Variants in FAM184B observed in about 807,000 individuals in gnomAD.
FAM184B encodes family with sequence similarity 184 member B.
FAM184B carries 111 observed loss-of-function variants against 135.9 expected under a neutral mutation model. That is an observed-to-expected ratio of 0.82 (90% CI 0.70 to 0.96). The LOEUF (loss-of-function observed/expected upper bound fraction) is 0.96. Ranked by LOEUF, FAM184B falls within the 40% of genes least tolerant of loss-of-function variation. The pLI, the probability that FAM184B is intolerant of heterozygous loss-of-function variation, is 0.00. For synonymous variants in FAM184B, 552 were observed against 524.8 expected (o/e 1.05, Z -0.71); for missense variants, 1,375 against 1,323.9 (o/e 1.04, Z -0.60).
At chr4:17,665,159 T>C (rs926977462) in intron 7 of FAM184B, among the ~76,000 whole-genome samples, 3 of 152,120 alleles carry the variant, frequency 2.0e-5, no homozygotes, top group African/African-American at 7.2e-5. Flanking sequence ...GGTCAGTAAG[T>C]GTGAGTGAAT....
intron 17 of FAM184B, chr4:17,633,378 T>G: frequency 4.5e-6 from 1 of 222,408 alleles, no homozygotes; most frequent in East Asian, 9.8e-5. Flanking sequence ...TCTGATGAGA[T>G]AGGTGCTGTA....
intron 10 of FAM184B, among the ~76,000 whole-genome samples, chr4:17,653,292 C>G (rs1189698279): frequency 2.0e-5 from 3 of 152,204 alleles, no homozygotes; most frequent in African/African-American, 7.2e-5. Flanking sequence ...GACTGACAGA[C>G]AGATACTGAC....
chr4:17,653,072 T>C, intron 10 of FAM184B, 89 bp from the exon 11 acceptor site: 2 of 1,262,926 alleles, frequency 1.6e-6, no homozygotes, highest in Non-Finnish European at 2.2e-6. Flanking sequence ...TGAGCCAGGA[T>C]GCTCTGAACA....
chr4:17,725,758 C>T (rs1029288836), intron 1 of FAM184B, among the ~76,000 whole-genome samples: 2 of 152,150 alleles, frequency 1.3e-5, no homozygotes, highest in Non-Finnish European at 2.9e-5. Context: ...TCCTAAAAGT[C>T]TTTCCTTGCC....
At chr4:17,676,381 A>G (rs1716309643) in intron 7 of FAM184B, among the ~76,000 whole-genome samples, 1 of 152,252 alleles carries the variant, frequency 6.6e-6, no homozygotes, top group Admixed American at 6.5e-5. Flanking sequence ...GCAACATGAA[A>G]GATCACTGAT....
At chr4:17,762,827 A>G (rs1445021250) in intron 1 of FAM184B, among the ~76,000 whole-genome samples, 1 of 151,966 alleles carries the variant, frequency 6.6e-6, no homozygotes, top group African/African-American at 2.4e-5. Flanking sequence ...TACTCTGCCA[A>G]CTCCTTTCTG....
At chr4:17,779,704 C>A (rs1236953296) in intron 1 of FAM184B, among the ~76,000 whole-genome samples, 1 of 152,226 alleles carries the variant, frequency 6.6e-6, no homozygotes, top group African/African-American at 2.4e-5. Flanking sequence ...TCCATAAAAT[C>A]TCCCCTCACT....
rs1266409741 is a variant in FAM184B, at chr4:17,709,648, C to T, written c.142-4G>A. The T allele has an allele frequency of 1.3e-6, 2 of 1,485,486 alleles. No homozygotes were observed. Among genetic ancestry groups the T allele is most frequent in the Non-Finnish European group, 1.8e-6 (2 of 1,118,464 alleles). 92.0% of individuals were successfully genotyped at this position (1,485,486 alleles called of 1,614,324 possible). On this transcript the variant is annotated splice_region_variant and splice_polypyrimidine_tract_variant and intron_variant, in intron 1 of 17. Coordinates refer to ENST00000265018, the MANE Select transcript of FAM184B (RefSeq NM_015688.2). ...GGGTGTTCAGGGCATAAATCACCTGCAGGAAAATCAACAGAGCCCAGTTAG... is the reference window on the plus strand; with the variant it reads ...GGGTGTTCAGGGCATAAATCACCTGTAGGAAAATCAACAGAGCCCAGTTAG...
At position 17,636,509 on chromosome 4, in the gene FAM184B, C is replaced by T. The variant is rs960685887; in HGVS notation, c.2784+19G>A. 17 of 1,543,348 alleles carry T rather than the reference C, an allele frequency of 1.1e-5. No homozygotes were observed. Among genetic ancestry groups the T allele is most frequent in the South Asian group, 2.4e-5 (2 of 83,982 alleles). ...TGCCCGGCCAGGTGCGTGGGTGAGG[C>T]GCCCCCTGACAGCCTCACCGTGAGC... On this transcript the variant is annotated intron_variant, in intron 15 of 17. Coordinates refer to ENST00000265018, the MANE Select transcript of FAM184B (RefSeq NM_015688.2).
chr4:17,655,644 C>T (rs895283025), intron 10 of FAM184B, among the ~76,000 whole-genome samples: 2 of 152,210 alleles, frequency 1.3e-5, no homozygotes, highest in Admixed American at 6.5e-5. Flanking sequence ...CCACTGATCC[C>T]AGCAACCTGT....
At chr4:17,732,259 C>T (rs1308253398) in intron 1 of FAM184B, among the ~76,000 whole-genome samples, 5 of 152,130 alleles carry the variant, frequency 3.3e-5, no homozygotes, top group East Asian at 1.9e-4. Context: ...GACACCCTAA[C>T]GTCACAATTA....
intron 1 of FAM184B, among the ~76,000 whole-genome samples, chr4:17,750,703 C>T (rs1464724726): frequency 6.6e-6 from 1 of 152,142 alleles, no homozygotes; most frequent in East Asian, 1.9e-4. Flanking sequence ...AACCATATAG[C>T]TCTATTAGTT....
At chr4:17,633,916 C>G (rs1339240621) in intron 16 of FAM184B, 28 bp from the exon 17 acceptor site, 2 of 1,358,680 alleles carry the variant, frequency 1.5e-6, no homozygotes, top group South Asian at 3.3e-5. Flanking sequence ...CAGGTTAGTG[C>G]AATGCAATGC....
intron 1 of FAM184B, among the ~76,000 whole-genome samples, chr4:17,734,168 AC>A (rs1717853806): frequency 6.6e-6 from 1 of 152,238 alleles, no homozygotes; most frequent in Non-Finnish European, 1.5e-5. Context: ...TACACCTTAT[AC>A]AAAAATTAAT....
At position 17,666,469 on chromosome 4, in the gene FAM184B, C is replaced by CTTTTTTTTTTTTTTTTTTTT. The variant is rs386399397; in HGVS notation, c.1597-1830_1597-1811dup. 2.1e-4 allele frequency among the ~76,000 whole-genome samples: 12 copies of CTTTTTTTTTTTTTTTTTTTT among 57,158 alleles called. 1 individual carries two copies. The highest frequency in any genetic ancestry group is 2.6e-4 in the Non-Finnish European group (9 of 34,190). The allele number at this position is 57,158 out of a possible 152,430, so 37.5% of individuals were successfully genotyped here. A position where few individuals can be genotyped will look rare whatever the true frequency, so the allele number is the denominator to read the frequency against. ...CAGGTGCATGCCACTGTGCCTGGTTCTTTTTTTTTTTTTTTTTTTTTTTTT... is the reference window on the plus strand; with the variant it reads ...CAGGTGCATGCCACTGTGCCTGGTTCTTTTTTTTTTTTTTTTTTTTTTTTTTTTTTTTTTTTTTTTTTTTT... On this transcript the variant is annotated intron_variant, in intron 7 of 17. Transcript: ENST00000265018.
At chr4:17,748,795 A>G (rs900866637) in intron 1 of FAM184B, among the ~76,000 whole-genome samples, 2 of 151,726 alleles carry the variant, frequency 1.3e-5, no homozygotes, top group African/African-American at 4.8e-5. Flanking sequence ...GGGATTACAG[A>G]CATGAGCCAC....
Position 17,639,371 on chromosome 4 carries a change from G to A in FAM184B, c.2545C>T (p.Gln849Ter), listed in dbSNP as rs1715241920. 1.3e-6 allele frequency: 2 copies of A among 1,551,696 alleles called. No individual in the cohort carries two copies. Among genetic ancestry groups the A allele is most frequent in the Non-Finnish European group, 1.7e-6 (2 of 1,146,994 alleles). Residue 849 changes from glutamine to a stop codon, truncating the protein, a stop_gained, in exon 14 of 18, where the codon CAG (glutamine) becomes TAG (stop). Transcript: ENST00000265018. LOFTEE classifies it high-confidence loss of function. ...AGTGTCTCCACCTCCCTGGCCCGCT[G>A]GGCTTGCTGAGTCTCCTCCAGGAAC... ...RRFLEETQQA[Q>*]RAREVETLRQ...
intron 1 of FAM184B, 31 bp from the exon 2 acceptor site, chr4:17,709,675 G>GT: frequency 6.8e-7 from 1 of 1,464,636 alleles, no homozygotes; most frequent in Non-Finnish European, 9.0e-7. Context: ...CCCAGTTAGG[G>GT]TGAGGGGGCT....
chr4:17,645,474 G>A (rs1463256860), intron 12 of FAM184B, among the ~76,000 whole-genome samples: 1 of 152,110 alleles, frequency 6.6e-6, no homozygotes, highest in Non-Finnish European at 1.5e-5. Flanking sequence ...CAAGAAATGG[G>A]GAAAGGATCC....
Sources: allele counts gnomAD v4.1 joint callset (sites outside exome capture counted in the v4.1 genomes callset), GRCh38; gene constraint gnomAD v4.1.1; transcripts MANE v1.5; gene names NCBI Gene and HGNC (gene_info 2026-07-23, HGNC 2026-07-21).